The following RAB3GAP2 variants were observed in gnomAD, a reference collection of about 807,000 sequenced individuals.
RAB3GAP2 encodes rab3 GTPase-activating protein non-catalytic subunit.
A neutral mutation model predicts 185.3 loss-of-function variants in RAB3GAP2; 87 were observed. That is an observed-to-expected ratio of 0.47 (90% CI 0.39 to 0.56). RAB3GAP2 has a LOEUF of 0.56. Among genes scored for constraint, RAB3GAP2 ranks in the 20% least tolerant of loss-of-function variants. The pLI is 0.00. For synonymous variants in RAB3GAP2, 554 were observed against 576.1 expected, an observed-to-expected ratio of 0.96 and a Z score of 0.55; for missense variants, 1,492 against 1,638.2, an observed-to-expected ratio of 0.91 and a Z score of 1.54.
intron 32 of RAB3GAP2, 115 bp downstream of exon 32, chr1:220,153,853 T>C: frequency 7.0e-7 from 1 of 1,434,266 alleles, no homozygotes; most frequent in Non-Finnish European, 9.5e-7. Flanking sequence ...CATGTGCTGT[T>C]TGGTTTTCTG....
At chr1:220,154,866 G>A (rs897765882) in intron 31 of RAB3GAP2, among the ~76,000 whole-genome samples, 5 of 151,714 alleles carry the variant, frequency 3.3e-5, no homozygotes, top group South Asian at 2.1e-4. Flanking sequence ...GACTACAGGC[G>A]TGTACTACCA....
In RAB3GAP2 at chr1:220,202,326, T is replaced by C; in HGVS notation, c.761A>G (p.Lys254Arg). Residue 254 changes from lysine to arginine, a missense_variant, in exon 9 of 35, where the codon AAG becomes AGG. Physicochemically the swap from Lys to Arg is conservative, Grantham distance 26 (BLOSUM62 2). This residue lies in a region of RAB3GAP2 where 243 missense variants were observed against 314.8 expected (regional missense o/e 0.77). Transcript: ENST00000358951. ...ENIQPPPLAY[K>R]KWGLQDIDTI... is the part of the protein sequence containing the mutation. ...GTCAATATCTTGTAGACCCCATTTC[T>C]TATAAGCTAATGGTGGTGGTTGTAT... 1 of 1,613,968 alleles carries C rather than the reference T, an allele frequency of 6.2e-7. No homozygotes were observed. Among genetic ancestry groups the C allele is most frequent in the Non-Finnish European group, 8.5e-7 (1 of 1,179,922 alleles).
At chr1:220,229,184 G>A (rs1172370898) in intron 2 of RAB3GAP2, among the ~76,000 whole-genome samples, 2 of 151,982 alleles carry the variant, frequency 1.3e-5, no homozygotes, top group Non-Finnish European at 2.9e-5. Flanking sequence ...ACATCAAAAT[G>A]AAATACTGCA....
chr1:220,151,286 C>A lies in RAB3GAP2; in HGVS notation c.4147G>T (p.Glu1383Ter), dbSNP rs1193599096. The part of the protein sequence containing the change: ...GQYGLALHLI[E>*]AVEAISLPSL ...GGAAGAGATATGGCTTCCACAGCTT[C>A]AATGAGGTGTAAGGCTAGACCATAT... is the stretch of plus-strand genomic sequence containing the variant. The change falls in exon 35 of 35, where the codon GAA becomes TAA. Residue 1383 changes from glutamate to a stop codon, truncating the protein, a stop_gained. Coordinates refer to ENST00000358951, the MANE Select transcript of RAB3GAP2 (RefSeq NM_012414.4). LOFTEE classifies it high-confidence loss of function. The A allele has an allele frequency of 6.2e-7, 1 of 1,613,902 alleles. No homozygotes were observed. The highest frequency in any genetic ancestry group is 8.5e-7 in the Non-Finnish European group (1 of 1,179,988).
In RAB3GAP2 at chr1:220,190,477, T is replaced by C. The variant is rs375117030; in HGVS notation, c.1531A>G (p.Thr511Ala). ...GYKIMGLNNVTSQSWQPQTYQ... is the reference protein window; with the variant it reads ...GYKIMGLNNVASQSWQPQTYQ... ...GTCTGTGGCTGCCAACTCTGACTGG[T>C]AACATTATTTAAACCCATTATTTTA... The change falls in exon 15 of 35, where the codon ACC (threonine) becomes GCC (alanine). Residue 511 changes from threonine (T) to alanine (A), a missense_variant. Thr to Ala is a moderately conservative substitution (Grantham distance 58). Coordinates refer to ENST00000358951, the MANE Select transcript of RAB3GAP2 (RefSeq NM_012414.4). 2 of 1,608,132 alleles carry C rather than the reference T, an allele frequency of 1.2e-6. No homozygotes were observed. Among genetic ancestry groups the C allele is most frequent in the Non-Finnish European group, 1.7e-6 (2 of 1,174,692 alleles).
intron 6 of RAB3GAP2, 126 bp downstream of exon 6, chr1:220,210,674 AC>A: frequency 4.5e-6 from 5 of 1,109,386 alleles, no homozygotes; most frequent in Non-Finnish European, 5.4e-6. Context: ...CCCGGCCTCT[AC>A]CCCCATAAAG....
chr1:220,176,107 T>A (rs566954015), intron 21 of RAB3GAP2, among the ~76,000 whole-genome samples: 1 of 152,150 alleles, frequency 6.6e-6, no homozygotes, highest in Admixed American at 6.5e-5. Flanking sequence ...TATGGACACA[T>A]ATAACAGGAG....
chr1:220,196,098 GA>G, intron 10 of RAB3GAP2, 151 bp downstream of exon 10: 1 of 832,714 alleles, frequency 1.2e-6, no homozygotes, highest in Non-Finnish European at 1.9e-6. Flanking sequence ...GAATTTAGAA[GA>G]AAGCTAGTTG....
At chr1:220,155,887 TTTTTAAC>T (rs749963334) in intron 31 of RAB3GAP2, among the ~76,000 whole-genome samples, 6 of 152,220 alleles carry the variant, frequency 3.9e-5, no homozygotes, top group Non-Finnish European at 1.5e-5. Context: ...TTCTTTCTCT[TTTTTAAC>T]TTTTAAGTAC....
At chr1:220,214,946 T>TTATATATATA (rs10526805) in intron 2 of RAB3GAP2, among the ~76,000 whole-genome samples, 2,117 of 89,340 alleles carry the variant, frequency 0.024, 105 homozygotes, top group East Asian at 0.052. Context: ...AATAGTAGCA[T>TTATATATATA]TATATATATA....
rs781043046 is a variant in RAB3GAP2 at position 220,210,382 on chromosome 1, C to T, written c.612+6G>A. 1.9e-6 allele frequency: 3 copies of T among 1,610,982 alleles called. No individual in the cohort carries two copies. The highest frequency in any genetic ancestry group is 4.5e-5 in the East Asian group (2 of 44,854). On this transcript the variant is annotated splice_donor_region_variant and intron_variant, in intron 7 of 34. Coordinates refer to ENST00000358951, the MANE Select transcript of RAB3GAP2 (RefSeq NM_012414.4). ...GTTACTGTTGGAACACAATTTTTTA[C>T]ACTACCTGCTCAGTCACGCCGGGAT...
intron 9 of RAB3GAP2, among the ~76,000 whole-genome samples, chr1:220,198,011 T>A (rs1236019314): frequency 6.6e-6 from 1 of 152,132 alleles, no homozygotes; most frequent in Non-Finnish European, 1.5e-5. Context: ...CTGCAGTAAT[T>A]TCACAATTTC....
At chr1:220,247,180 C>T (rs900616024) in intron 1 of RAB3GAP2, among the ~76,000 whole-genome samples, 42 of 152,160 alleles carry the variant, frequency 2.8e-4, no homozygotes, top group Admixed American at 5.2e-4. Context: ...AGTACAACCT[C>T]TATGGAAAAC....
intron 1 of RAB3GAP2, among the ~76,000 whole-genome samples, chr1:220,250,656 G>C (rs1275581852): frequency 6.6e-6 from 1 of 152,188 alleles, no homozygotes; most frequent in African/African-American, 2.4e-5. Flanking sequence ...TTGTACTTCA[G>C]ATAATCCCCA....
chr1:220,164,766 A>C lies in RAB3GAP2; in HGVS notation c.3121T>G (p.Leu1041Val). 1 of 1,609,028 alleles carries C rather than the reference A, an allele frequency of 6.2e-7. No homozygotes were observed. The highest frequency in any genetic ancestry group is 8.5e-7 in the Non-Finnish European group (1 of 1,176,818). Residue 1041 changes from leucine to valine, a missense_variant, in exon 27 of 35, where the codon TTG becomes GTG. Physicochemically the swap from Leu to Val is conservative, Grantham distance 32. Around this residue, in one of 5 missense-constraint regions of RAB3GAP2, gnomAD observed 387 missense variants for 455.3 expected, o/e 0.85. Coordinates refer to ENST00000358951, the MANE Select transcript of RAB3GAP2 (RefSeq NM_012414.4). ...ARFFVRSIEH[L>V]KQIFNAHVQN... is the part of the protein sequence containing the mutation. Reference sequence around the variant, plus strand: ...ACATGTGCATTAAATATTTGCTTCAAGTGTTCTATTGACCTAACAAAAAAA... The same window carrying C: ...ACATGTGCATTAAATATTTGCTTCACGTGTTCTATTGACCTAACAAAAAAA...
In RAB3GAP2 at chr1:220,182,825, T is replaced by A; in HGVS notation, c.2105A>T (p.Asp702Val). 4 of 1,613,548 alleles carry A rather than the reference T, an allele frequency of 2.5e-6. No individual in the cohort carries two copies. In the Admixed American group the frequency reaches 6.7e-5, roughly 27 times the overall value. ...ENTRTNVRFSDDKDGVLPVKT... is the reference protein window; with the variant it reads ...ENTRTNVRFSVDKDGVLPVKT... ...TACAGGCAACACACCATCTTTATCA[T>A]CAGAAAATCGAACATTTGTCCTGGT... Residue 702 changes from aspartate to valine, a missense_variant, in exon 20 of 35, where the codon GAT (aspartate) becomes GTT (valine). This residue lies in a region of RAB3GAP2 where 681 missense variants were observed against 689.1 expected (regional missense o/e 0.99). Transcript: ENST00000358951.
chr1:220,244,459 T>C lies in RAB3GAP2; in HGVS notation c.116-11596A>G, dbSNP rs1054685731. Among the ~76,000 whole-genome samples the C allele has an allele frequency of 5.3e-5, 8 of 152,210 alleles. No homozygotes were observed. The East Asian group carries it at 7.7e-4, about 15-fold the overall frequency. ...TGCTCATGGACGGGAAGAATCGATATTGTGAAAATGATCATACTGCCCAAA... is the reference window on the plus strand; with the variant it reads ...TGCTCATGGACGGGAAGAATCGATACTGTGAAAATGATCATACTGCCCAAA... On this transcript the variant is annotated intron_variant, in intron 1 of 34. Coordinates refer to ENST00000358951, the MANE Select transcript of RAB3GAP2 (RefSeq NM_012414.4).
At chr1:220,197,074 C>T (rs2102872751) in intron 9 of RAB3GAP2, among the ~76,000 whole-genome samples, 1 of 151,784 alleles carries the variant, frequency 6.6e-6, no homozygotes, top group East Asian at 2.0e-4. Flanking sequence ...GCAACCTCTG[C>T]CTCCCAGGTT....
chr1:220,228,096 G>A (rs1000719889), intron 2 of RAB3GAP2, among the ~76,000 whole-genome samples: 4 of 152,162 alleles, frequency 2.6e-5, no homozygotes, highest in African/African-American at 9.7e-5. Context: ...CACACTGTAA[G>A]TTGACTTCAA....
Sources: gnomAD v4.1 joint callset for allele counts (sites outside exome capture counted in the v4.1 genomes callset) on GRCh38, gnomAD v4.1.1 for gene constraint, gnomAD v4.1.1 regional missense constraint, MANE v1.5 for transcripts, NCBI Gene and HGNC (gene_info 2026-07-23, HGNC 2026-07-21) for gene names.